Variants in LCLAT1 observed in about 807,000 individuals in gnomAD.
LCLAT1 encodes the protein 1-AGP acyltransferase 8.
Under a neutral mutation model 30.7 loss-of-function variants are expected in LCLAT1, and 11 were observed. That is an observed-to-expected ratio of 0.36 (90% CI 0.23 to 0.59). The LOEUF (loss-of-function observed/expected upper bound fraction) is 0.59, where lower values mean the gene tolerates loss of function less well. LCLAT1 is among the 20% of genes least tolerant of loss of function. The probability of loss-of-function intolerance (pLI) is 0.77; values close to 1 mark genes in which losing one functional copy is unlikely to be tolerated. For synonymous variants in LCLAT1, 155 were observed against 151.3 expected, an observed-to-expected ratio of 1.02 and a Z score of -0.18; for missense variants, 402 against 458.6, an observed-to-expected ratio of 0.88 and a Z score of 1.13.
chr2:30,486,600 A>G (rs892430798), intron 1 of LCLAT1, among the ~76,000 whole-genome samples: 1 of 152,116 alleles, frequency 6.6e-6, no homozygotes, highest in South Asian at 2.1e-4. Flanking sequence ...GTTCATTTCA[A>G]ATCCTCTAGT....
chr2:30,501,335 A>G (rs762317802), intron 1 of LCLAT1, among the ~76,000 whole-genome samples: 1 of 152,282 alleles, frequency 6.6e-6, no homozygotes, highest in Non-Finnish European at 1.5e-5. Flanking sequence ...TTTATTTGAC[A>G]AAATGGTGGT....
intron 3 of LCLAT1, among the ~76,000 whole-genome samples, chr2:30,549,617 GAT>G (rs1664589870): frequency 1.3e-5 from 2 of 152,094 alleles, no homozygotes; most frequent in African/African-American, 4.8e-5. Flanking sequence ...TAATAGAAAA[GAT>G]ATGCAAGATG....
Position 30,495,430 on chromosome 2 carries a change from A to T in LCLAT1, c.-4-30157A>T, listed in dbSNP as rs532475269. Reference sequence around the variant, plus strand: ...GTCCTGAAATGAAATTCCTAATGAAAATTTTTACCCCATAAGTAAAATGAA... The same window carrying T: ...GTCCTGAAATGAAATTCCTAATGAATATTTTTACCCCATAAGTAAAATGAA... On this transcript the variant is annotated intron_variant, in intron 1 of 5. Transcript: ENST00000379509. Among the ~76,000 whole-genome samples the T allele has an allele frequency of 1.4e-4, 21 of 152,266 alleles. No individual in the cohort carries two copies. The Middle Eastern group carries it at 0.01, about 74-fold the overall frequency.
chr2:30,522,816 G>A (rs1368304767), intron 1 of LCLAT1, among the ~76,000 whole-genome samples: 4 of 152,158 alleles, frequency 2.6e-5, no homozygotes, highest in Non-Finnish European at 5.9e-5. Context: ...TGGCCCCTTC[G>A]CAGGAGAAAG....
intron 4 of LCLAT1, among the ~76,000 whole-genome samples, chr2:30,564,899 A>G (rs1665406291): frequency 6.6e-6 from 1 of 152,184 alleles, no homozygotes; most frequent in Non-Finnish European, 1.5e-5. Context: ...TAACTTTTTA[A>G]TGGAAGCAAT....
At chr2:30,471,577 T>C (rs115449850) in intron 1 of LCLAT1, among the ~76,000 whole-genome samples, 1,609 of 152,350 alleles carry the variant, frequency 0.011, 22 homozygotes, top group African/African-American at 0.036. Context: ...AATTTGTTAA[T>C]GTTTTGTGGT....
intron 5 of LCLAT1, among the ~76,000 whole-genome samples, chr2:30,639,195 C>G (rs529457367): frequency 4.6e-5 from 7 of 152,210 alleles, no homozygotes; most frequent in African/African-American, 7.2e-5. Flanking sequence ...TGCTTTTCTG[C>G]CAGAACATTT....
intron 3 of LCLAT1, among the ~76,000 whole-genome samples, chr2:30,557,763 G>A (rs1216063402): frequency 1.3e-5 from 2 of 152,162 alleles, no homozygotes; most frequent in Admixed American, 1.3e-4. Flanking sequence ...ATGACTGGTA[G>A]AGTAGGATTG....
At chr2:30,546,223 G>T (rs1664403271) in intron 3 of LCLAT1, among the ~76,000 whole-genome samples, 1 of 152,122 alleles carries the variant, frequency 6.6e-6, no homozygotes, top group Non-Finnish European at 1.5e-5. Context: ...CCTGTAGTGG[G>T]CTGCTTTCAC....
intron 5 of LCLAT1, among the ~76,000 whole-genome samples, chr2:30,572,322 T>A (rs1011664679): frequency 6.6e-6 from 1 of 152,234 alleles, no homozygotes; most frequent in African/African-American, 2.4e-5. Context: ...CTAACACTTA[T>A]CAAGTTCTTC....
chr2:30,560,346 C>T (rs1203146850), intron 3 of LCLAT1, among the ~76,000 whole-genome samples: 1 of 149,920 alleles, frequency 6.7e-6, no homozygotes, highest in Non-Finnish European at 1.5e-5. Context: ...TATTTTGACA[C>T]GGAGTCTTGC....
At chr2:30,552,195 A>G (rs1288368354) in intron 3 of LCLAT1, among the ~76,000 whole-genome samples, 2 of 152,200 alleles carry the variant, frequency 1.3e-5, no homozygotes, top group Non-Finnish European at 2.9e-5. Flanking sequence ...AAATTGGTCA[A>G]ATTTCCAATC....
chr2:30,568,876 A>AAAAGAG (rs1553376259), intron 5 of LCLAT1, among the ~76,000 whole-genome samples: 140 of 151,206 alleles, frequency 9.3e-4, no homozygotes, highest in African/African-American at 3.4e-3. Flanking sequence ...AAAAAAAAAA[A>AAAAGAG]AAAAAAAAGA....
chr2:30,547,838 C>A (rs1368003682), intron 3 of LCLAT1, among the ~76,000 whole-genome samples: 1 of 151,918 alleles, frequency 6.6e-6, no homozygotes, highest in African/African-American at 2.4e-5. Flanking sequence ...TTATTTATAG[C>A]CAAAAGCATC....
In LCLAT1 at chr2:30,562,279, G is replaced by C; in HGVS notation, c.498G>C (p.Gly166=). 4 of 1,608,804 alleles carry C rather than the reference G, an allele frequency of 2.5e-6. No homozygotes were observed. The highest frequency in any genetic ancestry group is 3.4e-6 in the Non-Finnish European group (4 of 1,176,464). The change falls in exon 4 of 6, where the codon GGG becomes GGC. Residue 166 remains glycine, a synonymous_variant. Coordinates refer to ENST00000379509, the MANE Select transcript of LCLAT1 (RefSeq NM_001002257.3). ...TTCAACTCCTCATATTCCCAGAAGG[G>C]ACTGATCTCACAGGTAATGTAGCCT... The part of the protein sequence containing the change: ...EPLQLLIFPE[G]TDLTENSKSR...
intron 5 of LCLAT1, among the ~76,000 whole-genome samples, chr2:30,590,224 G>A (rs1157552128): frequency 3.3e-5 from 5 of 151,990 alleles, no homozygotes. Flanking sequence ...ACATTTGTGA[G>A]TGAAGATGTG....
chr2:30,487,439 CCTCT>C (rs888965808), intron 1 of LCLAT1, among the ~76,000 whole-genome samples: 1 of 152,182 alleles, frequency 6.6e-6, no homozygotes, highest in Non-Finnish European at 1.5e-5. Flanking sequence ...TTCCTTCTTT[CCTCT>C]CTCTCCCTTT....
intron 5 of LCLAT1, among the ~76,000 whole-genome samples, chr2:30,610,136 T>G (rs1667665663): frequency 6.6e-6 from 1 of 152,154 alleles, no homozygotes; most frequent in Non-Finnish European, 1.5e-5. Flanking sequence ...ACTTCCTCTA[T>G]TTCTTAAAAG....
chr2:30,574,502 T>G lies in LCLAT1; in HGVS notation c.628+6326T>G, dbSNP rs528965847. Among the ~76,000 whole-genome samples the G allele has an allele frequency of 9.2e-5, 14 of 152,300 alleles. No homozygotes were observed. In the South Asian group the frequency reaches 2.7e-3, roughly 29 times the overall value. ...CTTATGGGAAATATAATGAACTTTT[T>G]AGAACTACTCCACATAGCCTCATCA... On this transcript the variant is annotated intron_variant, in intron 5 of 5. Transcript: ENST00000379509.
Sources: gnomAD v4.1 joint callset for allele counts (sites outside exome capture counted in the v4.1 genomes callset) on GRCh38, gnomAD v4.1.1 for gene constraint, MANE v1.5 for transcripts, NCBI Gene and HGNC (gene_info 2026-07-23, HGNC 2026-07-21) for gene names.